The following CPD variants were observed in gnomAD, a reference collection of about 807,000 sequenced individuals.
CPD encodes the protein metallocarboxypeptidase D.
Under a neutral mutation model 138.3 loss-of-function variants are expected in CPD, and 69 were observed. That is an observed-to-expected ratio of 0.50 (90% CI 0.41 to 0.61). The LOEUF (loss-of-function observed/expected upper bound fraction) is 0.61, where lower values mean the gene tolerates loss of function less well. Among genes scored for constraint, CPD ranks in the 20% least tolerant of loss-of-function variants. The probability of loss-of-function intolerance (pLI) is 0.00; values close to 1 mark genes in which losing one functional copy is unlikely to be tolerated. For missense variants in CPD, 1,432 were observed against 1,733.3 expected (o/e 0.83, Z 3.09); for synonymous variants, 651 against 642.1 (o/e 1.01, Z -0.21).
Position 30,461,906 on chromosome 17 carries a change from A to G in CPD, c.3660A>G (p.Lys1220=). ...ACAAGGGAGTTCATGGATTTGTTAA[A>G]GATAAGACTGGAAAGCCAATCTCTA... ...EVHKGVHGFV[K]DKTGKPISKA... The change falls in exon 19 of 21, where the codon AAA becomes AAG. Residue 1220 remains lysine, a synonymous_variant. Transcript: ENST00000225719. 1 of 1,604,578 alleles carries G rather than the reference A, an allele frequency of 6.2e-7. No homozygotes were observed. The highest frequency in any genetic ancestry group is 1.1e-5 in the South Asian group (1 of 89,608).
intron 8 of CPD, among the ~76,000 whole-genome samples, chr17:30,435,165 G>A (rs918102242): frequency 6.6e-6 from 1 of 151,932 alleles, no homozygotes; most frequent in East Asian, 1.9e-4. Flanking sequence ...ATAGGACTCA[G>A]GAAAAAAATG....
intron 2 of CPD, among the ~76,000 whole-genome samples, chr17:30,413,963 G>C (rs559672200): frequency 5.0e-4 from 76 of 152,148 alleles, no homozygotes; most frequent in Admixed American, 1.5e-3. Flanking sequence ...CCAGCAAAGG[G>C]AACAAGTAGA....
intron 6 of CPD, among the ~76,000 whole-genome samples, chr17:30,425,480 C>A (rs1390381633): frequency 6.6e-6 from 1 of 151,952 alleles, no homozygotes; most frequent in Non-Finnish European, 1.5e-5. Flanking sequence ...CATGGTGAAA[C>A]CCTGTTTCTA....
chr17:30,442,232 G>A (rs1187085523), intron 9 of CPD, 76 bp from the exon 10 acceptor site: 2 of 1,447,600 alleles, frequency 1.4e-6, no homozygotes. Flanking sequence ...TTTTTACTAG[G>A]AATGTTGCTT....
intron 1 of CPD, among the ~76,000 whole-genome samples, chr17:30,382,868 G>A (rs9913111): frequency 0.49 from 74,287 of 151,972 alleles, 18,605 homozygotes; most frequent in East Asian, 0.82. Context: ...GCTCACAGAT[G>A]TATCTATCCC....
At chr17:30,389,648 A>G (rs191360676) in intron 2 of CPD, among the ~76,000 whole-genome samples, 1 of 152,378 alleles carries the variant, frequency 6.6e-6, no homozygotes, top group East Asian at 1.9e-4. Context: ...TAAAAAATAA[A>G]TATCCGGCCT....
Position 30,467,950 on chromosome 17 carries a change from T to G in CPD, c.*3136T>G, listed in dbSNP as rs563879608. 1.3e-5 allele frequency: 2 copies of G among 152,300 alleles called. No individual in the cohort carries two copies. Among genetic ancestry groups the G allele is most frequent in the East Asian group, 3.9e-4 (2 of 5,192 alleles). 9.4% of individuals were successfully genotyped at this position (152,300 alleles called of 1,614,324 possible). ...CCAATATATTTTTGTTTTATTGTTATTACCAAAAATTCCACTATGATTGAT... is the reference window on the plus strand; with the variant it reads ...CCAATATATTTTTGTTTTATTGTTAGTACCAAAAATTCCACTATGATTGAT... On this transcript the variant is annotated 3_prime_UTR_variant, in exon 21 of 21. Transcript: ENST00000225719.
At chr17:30,449,344 C>T (rs1913106611) in intron 12 of CPD, among the ~76,000 whole-genome samples, 1 of 151,952 alleles carries the variant, frequency 6.6e-6, no homozygotes, top group South Asian at 2.1e-4. Flanking sequence ...CTAAATCTTT[C>T]CTAAATCTGA....
intron 14 of CPD, chr17:30,454,630 T>TCAGCAA (rs1401144323): frequency 6.5e-6 from 1 of 153,344 alleles, no homozygotes. Flanking sequence ...GGGTATCTTT[T>TCAGCAA]CAGCAACACC....
In CPD at chr17:30,407,279, T is replaced by C. The variant is rs528219179; in HGVS notation, c.995-13562T>C. Among the ~76,000 whole-genome samples the C allele has an allele frequency of 1.7e-4, 26 of 152,328 alleles. No homozygotes were observed. In the South Asian group the frequency reaches 5.4e-3, roughly 32 times the overall value. On this transcript the variant is annotated intron_variant, in intron 2 of 20. Coordinates refer to ENST00000225719, the MANE Select transcript of CPD (RefSeq NM_001304.5). Reference sequence around the variant, plus strand: ...TGAATAGTGCCGCAATAAACATACATGTGCATGTGTCTTTATAGTAGCATG... The same window carrying C: ...TGAATAGTGCCGCAATAAACATACACGTGCATGTGTCTTTATAGTAGCATG...
At chr17:30,432,253 AG>A (rs1912583575) in intron 8 of CPD, among the ~76,000 whole-genome samples, 1 of 152,196 alleles carries the variant, frequency 6.6e-6, no homozygotes, top group Non-Finnish European at 1.5e-5. Context: ...ATTGACACAC[AG>A]CCACAGCTAT....
intron 12 of CPD, 60 bp downstream of exon 12, chr17:30,446,080 C>T: frequency 1.7e-6 from 2 of 1,145,510 alleles, no homozygotes; most frequent in Non-Finnish European, 2.5e-6. Context: ...CAGCATTAGC[C>T]ATGTTGAATA....
At chr17:30,381,213 G>T in intron 1 of CPD, among the ~76,000 whole-genome samples, 1 of 152,040 alleles carries the variant, frequency 6.6e-6, no homozygotes, top group Admixed American at 6.5e-5. Context: ...ATATGACTTT[G>T]ACATACACTT....
In CPD at chr17:30,422,652, CT is replaced by C. The variant is rs1567874756; in HGVS notation, c.1308-17del. ...GTATGTCTTAACTATAAACCATTTA[CT>C]TTTTCAAATTTTTTTTTCAGGTATA... On this transcript the variant is annotated intron_variant, in intron 4 of 20. Transcript: ENST00000225719. 2.6e-6 allele frequency: 4 copies of C among 1,535,734 alleles called. No homozygotes were observed. The Admixed American group carries it at 5.9e-5, about 23-fold the overall frequency.
chr17:30,423,798 AT>A (rs926487675), intron 6 of CPD, 101 bp downstream of exon 6: 25 of 914,872 alleles, frequency 2.7e-5, no homozygotes, highest in African/African-American at 1.0e-4. Context: ...ATTTCTTCCA[AT>A]TTTTTTTCCT....
chr17:30,452,287 T>C (rs1011990876), intron 14 of CPD, among the ~76,000 whole-genome samples: 2 of 151,766 alleles, frequency 1.3e-5, no homozygotes, highest in Non-Finnish European at 2.9e-5. Flanking sequence ...TTTTTCTTTT[T>C]TTTTTTTTTG....
At chr17:30,447,170 T>G (rs894739725) in intron 12 of CPD, among the ~76,000 whole-genome samples, 1 of 152,216 alleles carries the variant, frequency 6.6e-6, no homozygotes, top group African/African-American at 2.4e-5. Context: ...GCAGAAGCTC[T>G]TTAGTTTAAT....
chr17:30,423,635 A>C lies in CPD; in HGVS notation c.1787A>C (p.His596Pro), dbSNP rs761651951. The stretch of plus-strand genomic sequence containing the variant: ...GACCCTGAAGTCACAGATTTGGTTC[A>C]TAACACTAGAATTCACCTTATGCCA... ...GTDPEVTDLV[H>P]NTRIHLMPSM... The change falls in exon 6 of 21, where the codon CAT becomes CCT. Residue 596 changes from histidine (H) to proline (P), a missense_variant. By Grantham distance (77) the His-to-Pro change is moderately conservative. Transcript: ENST00000225719. The C allele has an allele frequency of 1.1e-5, 18 of 1,612,170 alleles. No homozygotes were observed. Among genetic ancestry groups the C allele is most frequent in the Non-Finnish European group, 1.5e-5 (18 of 1,179,240 alleles).
intron 7 of CPD, among the ~76,000 whole-genome samples, chr17:30,427,982 T>C (rs1408085056): frequency 1.3e-5 from 2 of 152,112 alleles, no homozygotes; most frequent in Non-Finnish European, 2.9e-5. Context: ...AGGTATTTTG[T>C]ATTTATCTCT....
Sources: gnomAD v4.1 joint callset for allele counts (sites outside exome capture counted in the v4.1 genomes callset) on GRCh38, gnomAD v4.1.1 for gene constraint, MANE v1.5 for transcripts, NCBI Gene and HGNC (gene_info 2026-07-23, HGNC 2026-07-21) for gene names.